XAF1: variants seen among roughly 807,000 people sequenced by gnomAD.
XAF1 encodes the protein XIAP-associated factor 1.
A neutral mutation model predicts 32.3 loss-of-function variants in XAF1; 32 were observed. The observed-to-expected ratio is 0.99, with a 90% confidence interval of 0.75 to 1.33. XAF1 has a LOEUF of 1.33. Among genes scored for constraint, XAF1 ranks in the 40% most tolerant of loss-of-function variants. The pLI, the probability that XAF1 is intolerant of heterozygous loss-of-function variation, is 0.00. For missense variants in XAF1, 379 were observed against 366.0 expected (o/e 1.04, Z -0.29); for synonymous variants, 120 against 125.9 (o/e 0.95, Z 0.31).
At chr17:6,755,751 C>A (rs145239316), upstream of XAF1, 2 of 1,142,038 alleles carry the variant, frequency 1.8e-6, no homozygotes, top group Non-Finnish European at 2.2e-6. Context: ...GAGACCCAGA[C>A]GGAGAGAAGC....
At chr17:6,771,370 A>T (rs1976022949) in intron 6 of XAF1, 1 of 159,788 alleles carries the variant, frequency 6.3e-6, no homozygotes, top group Admixed American at 6.3e-5. Context: ...CAGAGATGAG[A>T]TGTCTTGGTC....
Position 6,774,579 on chromosome 17 carries a change from A to C in XAF1, c.*1410A>C, listed in dbSNP as rs998250405. 2.0e-5 allele frequency: 3 copies of C among 152,242 alleles called. No individual in the cohort carries two copies. Among genetic ancestry groups the C allele is most frequent in the African/African-American group, 7.2e-5 (3 of 41,466 alleles). The allele number at this position is 152,242 out of a possible 1,614,324, so 9.4% of individuals were successfully genotyped here. ...AAAAATTGACAAATGGGACATGATTAAACAGAATTACCATTTGACTCAGCA... is the reference window on the plus strand; with the variant it reads ...AAAAATTGACAAATGGGACATGATTCAACAGAATTACCATTTGACTCAGCA... On this transcript the variant is annotated 3_prime_UTR_variant, in exon 7 of 7. Transcript: ENST00000361842.
At chr17:6,762,900 C>A (rs1007169374) in intron 5 of XAF1, among the ~76,000 whole-genome samples, 3 of 152,260 alleles carry the variant, frequency 2.0e-5, no homozygotes, top group Non-Finnish European at 4.4e-5. Context: ...CTTAACACTT[C>A]AGTGCTTAAA....
intron 5 of XAF1, among the ~76,000 whole-genome samples, chr17:6,762,444 C>T (rs1975294151): frequency 6.6e-6 from 1 of 152,172 alleles, no homozygotes; most frequent in African/African-American, 2.4e-5. Context: ...TTCATTTGTG[C>T]CCAGCCCTTC....
intron 5 of XAF1, among the ~76,000 whole-genome samples, chr17:6,769,835 T>C (rs1450104966): frequency 2.6e-5 from 4 of 152,208 alleles, no homozygotes. Context: ...ACCTGTGATT[T>C]TGAGTTTTCA....
At chr17:6,760,199 T>G (rs1975070450) in intron 3 of XAF1, among the ~76,000 whole-genome samples, 1 of 151,798 alleles carries the variant, frequency 6.6e-6, no homozygotes, top group African/African-American at 2.4e-5. Context: ...AGTACAAAAA[T>G]TAGCTGGGCG....
intron 2 of XAF1, chr17:6,758,747 G>A (rs1385336264): frequency 2.6e-5 from 7 of 264,988 alleles, no homozygotes; most frequent in African/African-American, 7.5e-5. Flanking sequence ...GTTGGGGGAC[G>A]AGGGTCTAGT....
chr17:6,756,141 C>T (rs377725551), intron 1 of XAF1, 31 bp downstream of exon 1: 80 of 1,613,654 alleles, frequency 5.0e-5, no homozygotes, highest in Non-Finnish European at 5.9e-5. Flanking sequence ...GCGGCAGACC[C>T]GGGCTGGCGA....
intron 4 of XAF1, 78 bp downstream of exon 4, chr17:6,760,679 G>A (rs1311992889): frequency 7.0e-5 from 97 of 1,386,772 alleles, no homozygotes; most frequent in Non-Finnish European, 9.1e-5. Context: ...AGGAAGGGAA[G>A]CTCTCAACAG....
In XAF1 at chr17:6,756,082, G is replaced by C; in HGVS notation, c.4G>C (p.Glu2Gln). Residue 2 changes from glutamate (E) to glutamine (Q), a missense_variant, in exon 1 of 7, where the codon GAA becomes CAA. Glu to Gln is a conservative substitution (Grantham distance 29, BLOSUM62 2). Transcript: ENST00000361842. Reference sequence around the variant, plus strand: ...GAAAGCCTGCAGAGAGCAGAACATGGAAGGAGACTTCTCGGTGTGCAGGAA... The same window carrying C: ...GAAAGCCTGCAGAGAGCAGAACATGCAAGGAGACTTCTCGGTGTGCAGGAA... M[E>Q]GDFSVCRNCK... 6.2e-7 allele frequency: 1 copy of C among 1,614,054 alleles called. No homozygotes were observed. The highest frequency in any genetic ancestry group is 1.7e-4 in the Middle Eastern group (1 of 6,060).
chr17:6,755,885 G>A, upstream of XAF1: 3 of 1,408,000 alleles, frequency 2.1e-6, no homozygotes, highest in Non-Finnish European at 1.8e-6. Flanking sequence ...AAGGGCGACA[G>A]CAGGGGCTGG....
chr17:6,756,010 A>T (rs193161810), upstream of XAF1: 1,449 of 1,612,470 alleles, frequency 9.0e-4, 15 homozygotes, highest in African/African-American at 0.014. Context: ...GGGCCATCGG[A>T]AAACTTTCAG....
chr17:6,769,964 A>G (rs1975895825), intron 5 of XAF1, among the ~76,000 whole-genome samples: 1 of 152,180 alleles, frequency 6.6e-6, no homozygotes, highest in South Asian at 2.1e-4. Flanking sequence ...TTTATCCTTT[A>G]AAGTTTCCAG....
Position 6,775,636 on chromosome 17 carries a change from A to G in XAF1, c.*2467A>G, listed in dbSNP as rs1976366753. ...GGCTTTGTCCCCAAAGAATAAAAAC[A>G]CCTCTCTAAAAGCTGCTCTTCCACC... On this transcript the variant is annotated 3_prime_UTR_variant, in exon 7 of 7. Transcript: ENST00000361842. The G allele has an allele frequency of 1.3e-5, 2 of 152,108 alleles. No individual in the cohort carries two copies. Among genetic ancestry groups the G allele is most frequent in the Non-Finnish European group, 2.9e-5 (2 of 68,068 alleles). 9.4% of individuals were successfully genotyped at this position (152,108 alleles called of 1,614,324 possible). A position where few individuals can be genotyped will look rare whatever the true frequency, so the allele number is the denominator to read the frequency against.
At chr17:6,771,029 C>T (rs1400875491) in intron 6 of XAF1, 45 bp downstream of exon 6, 1 of 1,576,702 alleles carries the variant, frequency 6.3e-7, no homozygotes, top group Non-Finnish European at 8.6e-7. Flanking sequence ...GAACCATCCG[C>T]ACAGTGTCTT....
At chr17:6,766,540 A>G (rs1462880027) in intron 5 of XAF1, among the ~76,000 whole-genome samples, 1 of 152,190 alleles carries the variant, frequency 6.6e-6, no homozygotes, top group Non-Finnish European at 1.5e-5. Context: ...ACACCTCCAA[A>G]GTTCTTCATT....
rs895839234 is a variant in XAF1, at chr17:6,774,626, C to T, written c.*1457C>T. ...AGCAATCCCATTATTGGTTATATAC[C>T]CAAAGGAATCTAAATCATTCTGTCA... On this transcript the variant is annotated 3_prime_UTR_variant, in exon 7 of 7. Transcript: ENST00000361842. The T allele has an allele frequency of 6.6e-6, 1 of 151,982 alleles. No individual in the cohort carries two copies. The highest frequency in any genetic ancestry group is 1.9e-4 in the East Asian group (1 of 5,188). The allele number at this position is 151,982 out of a possible 1,614,324, so 9.4% of individuals were successfully genotyped here. A position where few individuals can be genotyped will look rare whatever the true frequency, so the allele number is the denominator to read the frequency against.
chr17:6,765,085 T>C (rs1472822647), intron 5 of XAF1, among the ~76,000 whole-genome samples: 1 of 152,150 alleles, frequency 6.6e-6, no homozygotes, highest in Non-Finnish European at 1.5e-5. Flanking sequence ...ATTCACTGCC[T>C]TCATTATTTC....
At chr17:6,771,655 G>C (rs1045538325) in intron 6 of XAF1, 1 of 152,134 alleles carries the variant, frequency 6.6e-6, no homozygotes, top group Non-Finnish European at 1.5e-5. Flanking sequence ...ACAATTAGAA[G>C]GTGGCAGGAT....
Sources: gnomAD v4.1 joint callset for allele counts (sites outside exome capture counted in the v4.1 genomes callset) on GRCh38, gnomAD v4.1.1 for gene constraint, MANE v1.5 for transcripts, NCBI Gene and HGNC (gene_info 2026-07-23, HGNC 2026-07-21) for gene names.